The following ZSCAN20 variants were observed in gnomAD, a reference collection of about 807,000 sequenced individuals.
The protein encoded by ZSCAN20 is zinc finger and SCAN domain-containing protein 20.
Under a neutral mutation model 97.1 loss-of-function variants are expected in ZSCAN20, and 39 were observed. The observed-to-expected ratio is 0.40, with a 90% CI of 0.31 to 0.52. ZSCAN20 has a LOEUF of 0.52. Ranked by LOEUF, ZSCAN20 falls within the 20% of genes least tolerant of loss-of-function variation. The pLI is 0.49. For synonymous variants in ZSCAN20, 456 were observed against 467.3 expected (o/e 0.98, Z 0.31); for missense variants, 1,115 against 1,290.4 (o/e 0.86, Z 2.08).
chr1:33,473,465 C>T (rs775737669), intron 1 of ZSCAN20, among the ~76,000 whole-genome samples: 3 of 152,030 alleles, frequency 2.0e-5, no homozygotes, highest in Non-Finnish European at 4.4e-5. Context: ...TTCATTGGCA[C>T]CCAGCACCTG....
At chr1:33,485,659 C>T (rs920623195) in intron 2 of ZSCAN20, among the ~76,000 whole-genome samples, 15 of 152,026 alleles carry the variant, frequency 9.9e-5, no homozygotes, top group East Asian at 1.9e-4. Flanking sequence ...AATGATCCAC[C>T]ACCTTGGCCT....
chr1:33,499,633 A>G lies in ZSCAN20; in HGVS notation c.*4157A>G, dbSNP rs1408673102. On this transcript the variant is annotated 3_prime_UTR_variant, in exon 8 of 8. Coordinates refer to ENST00000684572, the MANE Select transcript of ZSCAN20 (RefSeq NM_001377376.1). ...TGCCCATTGGACTCATCTTGGACTC[A>G]GTTCTGCCAATACTTTCTCCCTTCT... 1.3e-5 allele frequency among the ~76,000 whole-genome samples: 2 copies of G among 152,160 alleles called. No individual in the cohort carries two copies. The highest frequency in any genetic ancestry group is 4.8e-5 in the African/African-American group (2 of 41,444).
Position 33,494,828 on chromosome 1 carries a change from G to A in ZSCAN20, c.2484G>A (p.Gly828=), listed in dbSNP as rs1336318762. Residue 828 remains glycine (G), a synonymous_variant, in exon 8 of 8, where the codon GGG becomes GGA. Coordinates refer to ENST00000684572, the MANE Select transcript of ZSCAN20 (RefSeq NM_001377376.1). ...GGNPDQCSEP[G]GNFAQSPSFS... ...ATCCTGACCAGTGTAGTGAGCCTGG[G>A]GGAAACTTTGCCCAAAGCCCATCTT... is the stretch of plus-strand genomic sequence containing the variant. 4 of 1,614,168 alleles carry A rather than the reference G, an allele frequency of 2.5e-6. No homozygotes were observed. In the South Asian group the frequency reaches 4.4e-5, roughly 18 times the overall value.
In ZSCAN20 at chr1:33,497,255, A is replaced by T. The variant is rs185456917; in HGVS notation, c.*1779A>T. 2.6e-5 allele frequency among the ~76,000 whole-genome samples: 4 copies of T among 151,550 alleles called. No individual in the cohort carries two copies. The South Asian group carries it at 8.4e-4, about 32-fold the overall frequency. ...ACCAGCCCCACTAGGATCACCGTCA[A>T]CTCCCTCCCAGTTTACCTTTTCTGG... On this transcript the variant is annotated 3_prime_UTR_variant, in exon 8 of 8. Transcript: ENST00000684572.
Position 33,494,462 on chromosome 1 carries a change from A to G in ZSCAN20, c.2118A>G (p.Ala706=), listed in dbSNP as rs9943259. The G allele has an allele frequency of 0.77, 1,244,570 of 1,613,822 alleles. 482,213 individuals are homozygous for G. Among genetic ancestry groups the G allele is most frequent in the African/African-American group, 0.82 (61,859 of 74,984 alleles). Residue 706 remains alanine (A), a synonymous_variant, in exon 8 of 8, where the codon GCA becomes GCG. Transcript: ENST00000684572. Reference sequence around the variant, plus strand: ...TTGACCATCAAGGCCTGTACCTTGCAGAGAAACCCTACAAGTGTGACACAT... The same window carrying G: ...TTGACCATCAAGGCCTGTACCTTGCGGAGAAACCCTACAAGTGTGACACAT... The part of the protein sequence containing the change: ...KLIDHQGLYL[A]EKPYKCDTCM...
At chr1:33,480,248 C>T (rs1300034092) in intron 2 of ZSCAN20, among the ~76,000 whole-genome samples, 1 of 152,208 alleles carries the variant, frequency 6.6e-6, no homozygotes, top group Non-Finnish European at 1.5e-5. Flanking sequence ...GTGGCTCACG[C>T]CTGTAATCCT....
chr1:33,489,429 C>A, intron 4 of ZSCAN20, 89 bp from the exon 5 acceptor site: 1 of 1,327,502 alleles, frequency 7.5e-7, no homozygotes. Context: ...CCCTCTGTTC[C>A]CATCATCTTT....
intron 1 of ZSCAN20, among the ~76,000 whole-genome samples, chr1:33,478,656 G>A (rs1033792492): frequency 5.3e-5 from 8 of 152,102 alleles, no homozygotes; most frequent in East Asian, 1.9e-4. Context: ...TAGAGTTGTT[G>A]GATTTTGCAA....
intron 2 of ZSCAN20, among the ~76,000 whole-genome samples, chr1:33,484,134 T>G (rs907118090): frequency 6.6e-6 from 1 of 152,228 alleles, no homozygotes; most frequent in South Asian, 2.1e-4. Context: ...CCATAGACAA[T>G]CGTGTCATTT....
chr1:33,475,753 G>C (rs532099139), intron 1 of ZSCAN20, among the ~76,000 whole-genome samples: 21 of 151,958 alleles, frequency 1.4e-4, no homozygotes, highest in Admixed American at 9.8e-4. Context: ...TCCGCCTCCT[G>C]GGTTTAAGCA....
intron 1 of ZSCAN20, among the ~76,000 whole-genome samples, chr1:33,478,087 C>T (rs564633156): frequency 2.4e-4 from 37 of 152,142 alleles, no homozygotes; most frequent in South Asian, 1.0e-3. Context: ...GGTAAAGAGA[C>T]GAGTTGGAGA....
chr1:33,482,259 C>T (rs376582807), intron 2 of ZSCAN20, among the ~76,000 whole-genome samples: 3 of 152,278 alleles, frequency 2.0e-5, no homozygotes, highest in Non-Finnish European at 4.4e-5. Flanking sequence ...CTGGCAACAC[C>T]GATCTTTATA....
intron 1 of ZSCAN20, among the ~76,000 whole-genome samples, chr1:33,475,958 G>A (rs1217689686): frequency 6.6e-5 from 10 of 152,042 alleles, no homozygotes; most frequent in South Asian, 2.1e-4. Context: ...GTGAGCCACC[G>A]CGCCCGGCCC....
At position 33,501,270 on chromosome 1, in the gene ZSCAN20, C is replaced by A. The variant is rs1405403143; in HGVS notation, c.*5794C>A. On this transcript the variant is annotated 3_prime_UTR_variant, in exon 8 of 8. Coordinates refer to ENST00000684572, the MANE Select transcript of ZSCAN20 (RefSeq NM_001377376.1). ...GTAGGGGCAGGAGCTCACGCTAAAC[C>A]CGGTTGGTGTGTCCTGGAGAAGCAC... 1.3e-5 allele frequency among the ~76,000 whole-genome samples: 2 copies of A among 152,202 alleles called. No individual in the cohort carries two copies. Among genetic ancestry groups the A allele is most frequent in the Non-Finnish European group, 2.9e-5 (2 of 68,030 alleles).
chr1:33,479,541 C>T lies in ZSCAN20; in HGVS notation c.253C>T (p.Arg85Cys), dbSNP rs769670597. 4.3e-6 allele frequency: 7 copies of T among 1,613,418 alleles called. No individual in the cohort carries two copies. The highest frequency in any genetic ancestry group is 2.2e-5 in the East Asian group (1 of 44,876). ...CTGTCGTTGGCTGAGGCCGGAGATC[C>T]GTCTCAAAGAGCAGATCCTGGAGCT... ...LCCRWLRPEI[R>C]LKEQILELLV... The change falls in exon 2 of 8, where the codon CGT becomes TGT. Residue 85 changes from arginine to cysteine, a missense_variant. By Grantham distance (180) the Arg-to-Cys change is radical (BLOSUM62 -3). Coordinates refer to ENST00000684572, the MANE Select transcript of ZSCAN20 (RefSeq NM_001377376.1).
At position 33,495,302 on chromosome 1, in the gene ZSCAN20, G is replaced by C. The variant is rs368464726; in HGVS notation, c.2958G>C (p.Pro986=). 6.2e-7 allele frequency: 1 copy of C among 1,612,110 alleles called. No individual in the cohort carries two copies. Among genetic ancestry groups the C allele is most frequent in the African/African-American group, 1.3e-5 (1 of 74,840 alleles). Residue 986 remains proline, a synonymous_variant, in exon 8 of 8, where the codon CCG becomes CCC. Transcript: ENST00000684572. ...THQRIHTGEK[P]YKCRECGKCF... is the part of the protein sequence containing the mutation. ...AGAGGATTCATACGGGAGAGAAGCC[G>C]TATAAGTGCAGAGAGTGTGGGAAAT...
chr1:33,491,312 C>G lies in ZSCAN20; in HGVS notation c.1054C>G (p.Gln352Glu). 2 of 1,614,126 alleles carry G rather than the reference C, an allele frequency of 1.2e-6. No homozygotes were observed. Among genetic ancestry groups the G allele is most frequent in the Non-Finnish European group, 1.7e-6 (2 of 1,180,012 alleles). ...CTCTGAAAAGCTCCGGACTTGTCAC[C>G]AGAACCGCCAGGTATATCGGGCCAT... ...PFSEKLRTCH[Q>E]NRQVYRAIAE... The change falls in exon 6 of 8, where the codon CAG (glutamine) becomes GAG (glutamate). Residue 352 changes from glutamine to glutamate, a missense_variant. By Grantham distance (29) the Gln-to-Glu change is conservative. Around this residue, in one of 3 missense-constraint regions of ZSCAN20, gnomAD observed 508 missense variants for 611.2 expected, o/e 0.83. Transcript: ENST00000684572. This position sits in a 1 kb window ranked among gnomAD's most constrained non-coding sequence, Gnocchi z 4.3.
rs1191596893 is a variant in ZSCAN20 at position 33,491,655 on chromosome 1, A to G, written c.1397A>G (p.Gln466Arg). The change falls in exon 6 of 8, where the codon CAG (glutamine) becomes CGG (arginine). Residue 466 changes from glutamine to arginine, a missense_variant. Gln to Arg is a conservative substitution (Grantham distance 43, BLOSUM62 1). This residue lies in a region of ZSCAN20 where 508 missense variants were observed against 611.2 expected (regional missense o/e 0.83). Coordinates refer to ENST00000684572, the MANE Select transcript of ZSCAN20 (RefSeq NM_001377376.1). The surrounding 1 kb of genome is among the most constrained non-coding windows in gnomAD (Gnocchi z 4.3). ...GGCCTGGTCAATGTTGAGTCTACCC[A>G]GGGGCCCAGGATTGCAGGGGCCCCA... ...GAGLVNVEST[Q>R]GPRIAGAPAL... 1 of 1,612,642 alleles carries G rather than the reference A, an allele frequency of 6.2e-7. No individual in the cohort carries two copies. The highest frequency in any genetic ancestry group is 1.7e-5 in the Admixed American group (1 of 59,754).
At chr1:33,490,987 A>G in intron 5 of ZSCAN20, 38 bp from the exon 6 acceptor site, 2 of 1,540,188 alleles carry the variant, frequency 1.3e-6, no homozygotes, top group Admixed American at 2.1e-5. Context: ...GCCGCTCAAC[A>G]GACCATTTCT....
Sources: gnomAD v4.1 joint callset for allele counts (sites outside exome capture counted in the v4.1 genomes callset) on GRCh38, gnomAD v4.1.1 for gene constraint, gnomAD v4.1.1 regional missense constraint, Gnocchi (gnomAD v3.1) non-coding constraint, MANE v1.5 for transcripts, NCBI Gene and HGNC (gene_info 2026-07-23, HGNC 2026-07-21) for gene names.